KCND2: variants seen among roughly 807,000 people sequenced by gnomAD.
The protein encoded by KCND2 is potassium voltage-gated channel subfamily D member 2, also known as A-type voltage-gated potassium channel KCND2.
Under a neutral mutation model 54.4 loss-of-function variants are expected in KCND2, and 16 were observed. That is an observed-to-expected ratio of 0.29 (90% CI 0.20 to 0.45). KCND2 has a LOEUF of 0.45. Among genes scored for constraint, KCND2 ranks in the 20% least tolerant of loss-of-function variants. The pLI is 1.00. For synonymous variants in KCND2, 317 were observed against 310.7 expected (o/e 1.02, Z -0.21); for missense variants, 486 against 824.2 (o/e 0.59, Z 5.02).
chr7:120,663,638 G>C (rs1251588861), intron 1 of KCND2, among the ~76,000 whole-genome samples: 1 of 152,098 alleles, frequency 6.6e-6, no homozygotes, highest in Non-Finnish European at 1.5e-5. Context: ...TATATTTATA[G>C]TTCTTATTTT....
chr7:120,722,535 C>T (rs1328777712), intron 1 of KCND2, among the ~76,000 whole-genome samples: 1 of 152,166 alleles, frequency 6.6e-6, no homozygotes, highest in Non-Finnish European at 1.5e-5. Context: ...TTCTGTGACA[C>T]TTAAGGAGTA....
At chr7:120,332,078 A>G (rs939777688) in intron 1 of KCND2, among the ~76,000 whole-genome samples, 1 of 151,998 alleles carries the variant, frequency 6.6e-6, no homozygotes, top group African/African-American at 2.4e-5. Flanking sequence ...AAATATCAGT[A>G]TCTGTTCTCC....
Position 120,351,207 on chromosome 7 carries a change from G to C in KCND2, c.1115+75460G>C, listed in dbSNP as rs562054271. Among the ~76,000 whole-genome samples, 82 of 141,874 alleles carry C rather than the reference G, an allele frequency of 5.8e-4. 2 individuals carry two copies. The South Asian group carries it at 0.017, about 29-fold the overall frequency. The allele number at this position is 141,874 out of a possible 152,430, so 93.1% of individuals were successfully genotyped here. A position where few individuals can be genotyped will look rare whatever the true frequency, so the allele number is the denominator to read the frequency against. ...CAAATTATATTTTATATTTTATACT[G>C]TATGACAATACCATCATATTATATA... On this transcript the variant is annotated intron_variant, in intron 1 of 5. Transcript: ENST00000331113.
chr7:120,529,994 C>A (rs1791823281), intron 1 of KCND2, among the ~76,000 whole-genome samples: 1 of 151,924 alleles, frequency 6.6e-6, no homozygotes, highest in Non-Finnish European at 1.5e-5. Flanking sequence ...AATCGCTTGA[C>A]CCCAGGGGGT....
intron 1 of KCND2, among the ~76,000 whole-genome samples, chr7:120,548,798 A>G (rs1171459815): frequency 6.6e-6 from 1 of 152,036 alleles, no homozygotes; most frequent in Non-Finnish European, 1.5e-5. Context: ...AGGAAAATGG[A>G]ATTGTTATTG....
At chr7:120,291,036 C>G (rs1245185529) in intron 1 of KCND2, among the ~76,000 whole-genome samples, 1 of 151,892 alleles carries the variant, frequency 6.6e-6, no homozygotes, top group Non-Finnish European at 1.5e-5. Context: ...CTTTTTGAAT[C>G]TTAATAAATT....
chr7:120,538,930 A>G (rs1484250733), intron 1 of KCND2, among the ~76,000 whole-genome samples: 2 of 152,200 alleles, frequency 1.3e-5, no homozygotes, highest in African/African-American at 4.8e-5. Context: ...AGTGTTTTAT[A>G]GTAAAGGAAA....
At chr7:120,326,910 A>C (rs1463774537) in intron 1 of KCND2, among the ~76,000 whole-genome samples, 1 of 152,106 alleles carries the variant, frequency 6.6e-6, no homozygotes. Context: ...AACAAAACAA[A>C]TGTGATCTGT....
At chr7:120,329,043 A>T (rs984700265) in intron 1 of KCND2, among the ~76,000 whole-genome samples, 2 of 152,096 alleles carry the variant, frequency 1.3e-5, no homozygotes, top group Non-Finnish European at 2.9e-5. Flanking sequence ...AGCTACTGCA[A>T]TCTACTGTCA....
chr7:120,413,720 G>A (rs1390396439), intron 1 of KCND2, among the ~76,000 whole-genome samples: 2 of 151,890 alleles, frequency 1.3e-5, no homozygotes, highest in Non-Finnish European at 2.9e-5. Flanking sequence ...TAGTTGATTG[G>A]AAAAGAGAAA....
At chr7:120,416,292 A>T (rs1478140643) in intron 1 of KCND2, among the ~76,000 whole-genome samples, 3 of 152,090 alleles carry the variant, frequency 2.0e-5, no homozygotes, top group Admixed American at 2.0e-4. Flanking sequence ...CCAAACCTAT[A>T]TCTGCCTCAG....
chr7:120,280,807 G>A (rs1187164275), intron 1 of KCND2, among the ~76,000 whole-genome samples: 1 of 152,062 alleles, frequency 6.6e-6, no homozygotes, highest in Non-Finnish European at 1.5e-5. Context: ...ATCTAGAAAT[G>A]TGTTATAATA....
intron 1 of KCND2, among the ~76,000 whole-genome samples, chr7:120,449,707 G>A (rs1156826355): frequency 2.0e-5 from 3 of 152,188 alleles, no homozygotes; most frequent in African/African-American, 7.2e-5. Context: ...AATTTCAGTT[G>A]AAGATCAGAA....
Position 120,663,714 on chromosome 7 carries a change from A to G in KCND2, c.1116-69189A>G, listed in dbSNP as rs1791893161. Reference sequence around the variant, plus strand: ...CATGATTACTTTTCTGTAATACGACATATGTTTCTACTTGATACTATGTCA... The same window carrying G: ...CATGATTACTTTTCTGTAATACGACGTATGTTTCTACTTGATACTATGTCA... On this transcript the variant is annotated intron_variant, in intron 1 of 5. Coordinates refer to ENST00000331113, the MANE Select transcript of KCND2 (RefSeq NM_012281.3). Among the ~76,000 whole-genome samples, 3 of 152,282 alleles carry G rather than the reference A, an allele frequency of 2.0e-5. No individual in the cohort carries two copies. In the South Asian group the frequency reaches 6.2e-4, roughly 32 times the overall value.
intron 1 of KCND2, among the ~76,000 whole-genome samples, chr7:120,399,754 C>A (rs1265514309): frequency 1.3e-5 from 2 of 151,054 alleles, no homozygotes; most frequent in African/African-American, 4.9e-5. Flanking sequence ...GAAACAGAAT[C>A]TCCTTGTGTC....
At chr7:120,286,492 AG>A (rs1280495676) in intron 1 of KCND2, among the ~76,000 whole-genome samples, 5 of 151,930 alleles carry the variant, frequency 3.3e-5, no homozygotes, top group Non-Finnish European at 5.9e-5. Context: ...GTGCTATATG[AG>A]GGATTGCTAT....
chr7:120,540,776 A>G (rs1009875200), intron 1 of KCND2, among the ~76,000 whole-genome samples: 1 of 152,152 alleles, frequency 6.6e-6, no homozygotes, highest in East Asian at 1.9e-4. Context: ...AAATGTTCAC[A>G]TGTTTGACTG....
intron 1 of KCND2, among the ~76,000 whole-genome samples, chr7:120,704,746 C>G (rs953568638): frequency 6.6e-6 from 1 of 152,114 alleles, no homozygotes; most frequent in Non-Finnish European, 1.5e-5. Flanking sequence ...GGTTAAAAAT[C>G]CTGTTTTGCC....
chr7:120,571,786 T>G (rs755400283), intron 1 of KCND2, among the ~76,000 whole-genome samples: 1 of 152,216 alleles, frequency 6.6e-6, no homozygotes, highest in East Asian at 1.9e-4. Flanking sequence ...TATGATCCAG[T>G]AGTGTAGTCT....
Sources: gnomAD v4.1 joint callset for allele counts (sites outside exome capture counted in the v4.1 genomes callset) on GRCh38, gnomAD v4.1.1 for gene constraint, MANE v1.5 for transcripts, NCBI Gene and HGNC (gene_info 2026-07-23, HGNC 2026-07-21) for gene names.